Variants in STARD9 observed in about 807,000 individuals in gnomAD.
STARD9 encodes StAR related lipid transfer domain containing 9.
A neutral mutation model predicts 399.8 loss-of-function variants in STARD9; 346 were observed. The ratio of observed to expected loss-of-function variants is 0.87; its 90% CI spans 0.79 to 0.95. The LOEUF is 0.95. Among genes scored for constraint, STARD9 ranks in the 40% least tolerant of loss-of-function variants. The probability of loss-of-function intolerance (pLI) is 0.00; values close to 1 mark genes in which losing one functional copy is unlikely to be tolerated. For missense variants in STARD9, 5,832 were observed against 5,667.5 expected, an observed-to-expected ratio of 1.03 and a Z score of -0.93; for synonymous variants, 2,203 against 2,143.5, an observed-to-expected ratio of 1.03 and a Z score of -0.77.
At chr15:42,654,141 A>G (rs1320220708) in intron 9 of STARD9, among the ~76,000 whole-genome samples, 1 of 152,220 alleles carries the variant, frequency 6.6e-6, no homozygotes, top group African/African-American at 2.4e-5. Context: ...AATGGTACAT[A>G]TTAATAAAAA....
At chr15:42,675,376 CTGTT>C in intron 18 of STARD9, 1 of 476,930 alleles carries the variant, frequency 2.1e-6, no homozygotes, top group South Asian at 2.4e-5. Flanking sequence ...CAAATTCTGT[CTGTT>C]CTTTTGAGAC....
Position 42,695,166 on chromosome 15 carries a change from C to T in STARD9, c.12989C>T (p.Ala4330Val), listed in dbSNP as rs373901001. 39 of 1,535,564 alleles carry T rather than the reference C, an allele frequency of 2.5e-5. No homozygotes were observed. The highest frequency in any genetic ancestry group is 3.2e-5 in the Non-Finnish European group (37 of 1,145,958). The change falls in exon 25 of 33, where the codon GCT becomes GTT. Residue 4330 changes from alanine to valine, a missense_variant. By Grantham distance (64) the Ala-to-Val change is moderately conservative. Coordinates refer to ENST00000290607, the MANE Select transcript of STARD9 (RefSeq NM_020759.3). ...TRSPESVSRS[A>V]HTPSDIELML... ...AGCCCAGAGTCAGTGTCAAGGTCAGCTCACACACCCTCTGACATAGAGTTG... is the reference window on the plus strand; with the variant it reads ...AGCCCAGAGTCAGTGTCAAGGTCAGTTCACACACCCTCTGACATAGAGTTG...
At chr15:42,635,254 C>G (rs544913390) in intron 4 of STARD9, among the ~76,000 whole-genome samples, 1 of 145,630 alleles carries the variant, frequency 6.9e-6, no homozygotes, top group East Asian at 2.1e-4. Flanking sequence ...GAGCAAAACT[C>G]CATCTCAAAA....
Position 42,717,050 on chromosome 15 carries a change from T to G in STARD9, c.13494+2T>G, listed in dbSNP as rs1168831595. 1.3e-6 allele frequency: 2 copies of G among 1,537,168 alleles called. No homozygotes were observed. Among genetic ancestry groups the G allele is most frequent in the Admixed American group, 3.9e-5 (2 of 50,998 alleles). ...GTCGTGGACACTTCTATGGCTGATG[T>G]GAGTAACTGCTCCCACCCATCCCTA... On this transcript the variant is annotated splice_donor_variant, in intron 28 of 32. Transcript: ENST00000290607. LOFTEE classifies it high-confidence loss of function.
At chr15:42,714,188 G>A (rs936335736) in intron 26 of STARD9, among the ~76,000 whole-genome samples, 1 of 150,268 alleles carries the variant, frequency 6.7e-6, no homozygotes, top group East Asian at 2.0e-4. Flanking sequence ...TCAGCCTCCC[G>A]AGTAGCTGGG....
At chr15:42,648,443 A>G (rs1168382730) in intron 7 of STARD9, among the ~76,000 whole-genome samples, 2 of 152,142 alleles carry the variant, frequency 1.3e-5, no homozygotes, top group African/African-American at 4.8e-5. Flanking sequence ...GATTACAGGC[A>G]TGAGCCCCCA....
intron 1 of STARD9, among the ~76,000 whole-genome samples, chr15:42,580,612 G>A (rs1252283536): frequency 2.0e-5 from 3 of 152,080 alleles, no homozygotes; most frequent in Non-Finnish European, 4.4e-5. Flanking sequence ...TCAAGAGTTC[G>A]AGACCAGCCT....
chr15:42,579,940 ATTAC>A (rs1410322458), intron 1 of STARD9, among the ~76,000 whole-genome samples: 1 of 152,190 alleles, frequency 6.6e-6, no homozygotes, highest in Admixed American at 6.5e-5. Flanking sequence ...AAGTGCCTCT[ATTAC>A]TTGGTGTGGA....
At position 42,716,935 on chromosome 15, in the gene STARD9, G is replaced by T; in HGVS notation, c.13381G>T (p.Ala4461Ser). The stretch of plus-strand genomic sequence containing the variant: ...CCACCTATTTCTTGTAGGCCACAGA[G>T]CCTCCCTGGGCAGTTGCTGCTGTTC... ...VRKNSAYSHR[A>S]SLGSCCCSPS... The change falls in exon 28 of 33, where the codon GCC (alanine) becomes TCC (serine). Residue 4461 changes from alanine (A) to serine (S), a missense_variant. Transcript: ENST00000290607. 3 of 1,537,248 alleles carry T rather than the reference G, an allele frequency of 2.0e-6. No homozygotes were observed. The highest frequency in any genetic ancestry group is 2.6e-6 in the Non-Finnish European group (3 of 1,146,906).
chr15:42,719,649 T>C lies in STARD9; in HGVS notation c.*75T>C, dbSNP rs2061416463. The C allele has an allele frequency of 3.1e-6, 3 of 954,096 alleles. No homozygotes were observed. Among genetic ancestry groups the C allele is most frequent in the Admixed American group, 2.2e-5 (1 of 45,856 alleles). 59.1% of individuals were successfully genotyped at this position (954,096 alleles called of 1,614,324 possible). On this transcript the variant is annotated 3_prime_UTR_variant, in exon 33 of 33. Transcript: ENST00000290607. ...AGAGAGACACTGTGGCAGCTCCTTG[T>C]TACTTTCCATACCACAGTGCAGGAA...
rs574434623 is a variant in STARD9 at position 42,610,743 on chromosome 15, C to T, written c.235-24113C>T. ...TGTACTTTTAGTAGAGACGGGGTTT[C>T]GCCATGTTGGCCAGGCTGGTCTTGA... On this transcript the variant is annotated intron_variant, in intron 3 of 32. Transcript: ENST00000290607. Among the ~76,000 whole-genome samples the T allele has an allele frequency of 2.6e-5, 4 of 152,216 alleles. No individual in the cohort carries two copies. The South Asian group carries it at 6.2e-4, about 24-fold the overall frequency.
chr15:42,668,636 C>T (rs976682650), intron 15 of STARD9, among the ~76,000 whole-genome samples: 2 of 152,084 alleles, frequency 1.3e-5, no homozygotes, highest in African/African-American at 4.8e-5. Flanking sequence ...CAGACAAGTT[C>T]CATATAGTCT....
At chr15:42,677,239 G>C (rs1042101185) in intron 20 of STARD9, among the ~76,000 whole-genome samples, 2 of 152,178 alleles carry the variant, frequency 1.3e-5, no homozygotes, top group Non-Finnish European at 2.9e-5. Flanking sequence ...ACTCCAGCCT[G>C]GGCGACAGGG....
At chr15:42,611,168 C>G (rs2058841141) in intron 3 of STARD9, among the ~76,000 whole-genome samples, 2 of 152,120 alleles carry the variant, frequency 1.3e-5, no homozygotes, top group African/African-American at 4.8e-5. Context: ...CTTGCCACCA[C>G]CTGTTTTAGA....
At chr15:42,611,980 AT>A (rs1319123087) in intron 3 of STARD9, among the ~76,000 whole-genome samples, 1 of 152,084 alleles carries the variant, frequency 6.6e-6, no homozygotes, top group Non-Finnish European at 1.5e-5. Flanking sequence ...TATTATGATT[AT>A]TATTAGAGAC....
rs946788102 is a variant in STARD9 at position 42,718,730 on chromosome 15, TC to T, written c.13843-19del. On this transcript the variant is annotated intron_variant, in intron 31 of 32. Transcript: ENST00000290607. ...TTTGTCCACACTACACAGGCAGGAC[TC>T]CCATTTCCCTCTGTCCCCAGGGTCA... 2.2e-5 allele frequency: 34 copies of T among 1,536,654 alleles called. No individual in the cohort carries two copies. In the African/African-American group the frequency reaches 4.2e-4, roughly 19 times the overall value.
chr15:42,684,724 C>A lies in STARD9; in HGVS notation c.3146C>A (p.Ala1049Glu). 6.5e-7 allele frequency: 1 copy of A among 1,537,226 alleles called. No individual in the cohort carries two copies. Among genetic ancestry groups the A allele is most frequent in the Non-Finnish European group, 8.7e-7 (1 of 1,146,928 alleles). ...TCAAAAAGGCATCAGAGGGTTCTGG[C>A]AACTAGGGTCAGAAATATTACCAAA... ...RASKRHQRVL[A>E]TRVRNITKKS... The change falls in exon 23 of 33, where the codon GCA becomes GAA. Residue 1049 changes from alanine to glutamate, a missense_variant. Ala to Glu is a moderately radical substitution (Grantham distance 107). Around this residue, in one of 2 missense-constraint regions of STARD9, gnomAD observed 5,828 missense variants for 5,651.1 expected, o/e 1.03. Coordinates refer to ENST00000290607, the MANE Select transcript of STARD9 (RefSeq NM_020759.3).
At chr15:42,718,294 T>A in intron 30 of STARD9, 115 bp downstream of exon 30, 1 of 1,230,736 alleles carries the variant, frequency 8.1e-7, no homozygotes, top group Non-Finnish European at 1.1e-6. Context: ...GGCCAGGTAC[T>A]CAGGTTACCT....
At chr15:42,702,077 C>A (rs1032052377) in intron 26 of STARD9, among the ~76,000 whole-genome samples, 5 of 151,834 alleles carry the variant, frequency 3.3e-5, no homozygotes, top group East Asian at 1.9e-4. Flanking sequence ...TCCCCTTCCT[C>A]GCTAACAGAT....
Sources: allele counts gnomAD v4.1 joint callset (sites outside exome capture counted in the v4.1 genomes callset), GRCh38; gene constraint gnomAD v4.1.1; regional missense constraint gnomAD v4.1.1; transcripts MANE v1.5; gene names NCBI Gene and HGNC (gene_info 2026-07-23, HGNC 2026-07-21).